The following ATP9B variants were observed in gnomAD, a reference collection of about 807,000 sequenced individuals.
ATP9B encodes ATPase phospholipid transporting 9B.
ATP9B carries 110 observed loss-of-function variants against 146.1 expected under a neutral mutation model. The ratio of observed to expected loss-of-function variants is 0.75; its 90% CI spans 0.65 to 0.88. The LOEUF is 0.88. Ranked by LOEUF, ATP9B falls within the 40% of genes least tolerant of loss-of-function variation. The pLI, the probability that ATP9B is intolerant of heterozygous loss-of-function variation, is 0.00. For synonymous variants in ATP9B, 604 were observed against 569.7 expected (o/e 1.06, Z -0.86); for missense variants, 1,499 against 1,496.4 (o/e 1.00, Z -0.03).
At chr18:79,260,228 T>TAGTCACCTTCACA (rs904257561) in intron 12 of ATP9B, among the ~76,000 whole-genome samples, 1 of 152,058 alleles carries the variant, frequency 6.6e-6, no homozygotes, top group Admixed American at 6.5e-5. Context: ...GAAGGGGAAG[T>TAGTCACCTTCACA]AGTCACCTTC....
intron 11 of ATP9B, among the ~76,000 whole-genome samples, chr18:79,229,976 A>G (rs2095774753): frequency 6.7e-6 from 1 of 149,902 alleles, no homozygotes. Context: ...AGTTTAGTGC[A>G]TTAAAAAAAA....
At chr18:79,224,956 C>T (rs2095714722) in intron 11 of ATP9B, among the ~76,000 whole-genome samples, 1 of 152,236 alleles carries the variant, frequency 6.6e-6, no homozygotes, top group Admixed American at 6.5e-5. Flanking sequence ...CTCCCAGGAA[C>T]CACGACCACA....
intron 1 of ATP9B, among the ~76,000 whole-genome samples, chr18:79,084,024 A>G (rs1393901942): frequency 1.3e-5 from 2 of 151,740 alleles, no homozygotes; most frequent in Admixed American, 6.6e-5. Flanking sequence ...ATGCCCGGCT[A>G]ATTTTTTTTG....
chr18:79,105,656 A>G (rs1182076783), intron 2 of ATP9B, among the ~76,000 whole-genome samples: 1 of 152,154 alleles, frequency 6.6e-6, no homozygotes, highest in East Asian at 1.9e-4. Context: ...TAGTTCTCTG[A>G]TCTGGGTTAA....
intron 13 of ATP9B, among the ~76,000 whole-genome samples, chr18:79,290,741 CT>C (rs2096495075): frequency 6.6e-6 from 1 of 152,248 alleles, no homozygotes; most frequent in Non-Finnish European, 1.5e-5. Context: ...GGAGCTGTTC[CT>C]ATTCGGCTGT....
In ATP9B at chr18:79,140,221, G is replaced by C. The variant is rs140147584; in HGVS notation, c.668-3581G>C. Among the ~76,000 whole-genome samples, 18 of 152,278 alleles carry C rather than the reference G, an allele frequency of 1.2e-4. No individual in the cohort carries two copies. In the East Asian group the frequency reaches 3.3e-3, roughly 28 times the overall value. On this transcript the variant is annotated intron_variant, in intron 5 of 29. Coordinates refer to ENST00000426216, the MANE Select transcript of ATP9B (RefSeq NM_198531.5). ...GGTAGAGCAGGGGCCGACAGAGATG[G>C]AGGAGCCAGCTGGTAAAGCCTGGCA...
At chr18:79,215,605 A>C (rs754194102) in intron 11 of ATP9B, among the ~76,000 whole-genome samples, 1 of 152,246 alleles carries the variant, frequency 6.6e-6, no homozygotes, top group Non-Finnish European at 1.5e-5. Context: ...TTATTAAAGT[A>C]ATCATATATA....
intron 12 of ATP9B, among the ~76,000 whole-genome samples, chr18:79,264,054 C>T (rs1202392935): frequency 6.6e-6 from 1 of 151,978 alleles, no homozygotes; most frequent in Non-Finnish European, 1.5e-5. Flanking sequence ...CACTGCACTC[C>T]AGCCCAGGCG....
chr18:79,210,181 C>A (rs1037635795), intron 10 of ATP9B, among the ~76,000 whole-genome samples: 2 of 152,192 alleles, frequency 1.3e-5, no homozygotes, highest in African/African-American at 4.8e-5. Flanking sequence ...AAAACTTGCT[C>A]TCTAAAATGC....
chr18:79,069,522 C>A lies in ATP9B; in HGVS notation c.112C>A (p.His38Asn). 1 of 1,398,654 alleles carries A rather than the reference C, an allele frequency of 7.1e-7. No individual in the cohort carries two copies. Among genetic ancestry groups the A allele is most frequent in the South Asian group, 1.5e-5 (1 of 64,616 alleles). 86.6% of individuals were successfully genotyped at this position (1,398,654 alleles called of 1,614,324 possible). Residue 38 changes from histidine to asparagine, a missense_variant, in exon 1 of 30, where the codon CAC becomes AAC. By Grantham distance (68) the His-to-Asn change is moderately conservative. Transcript: ENST00000426216. ...AAGPRPGADR[H>N]SRYQLEDESA... ...GGGGCCCAGGCCGGGAGCCGACCGG[C>A]ACAGCAGGTAACCGAGGCGGCACTG... is the stretch of plus-strand genomic sequence containing the variant.
intron 12 of ATP9B, among the ~76,000 whole-genome samples, chr18:79,258,839 G>T (rs191194230): frequency 6.6e-6 from 1 of 152,322 alleles, no homozygotes; most frequent in East Asian, 1.9e-4. Context: ...TGCACGCAGG[G>T]ATGAGAACCG....
intron 12 of ATP9B, among the ~76,000 whole-genome samples, chr18:79,265,348 G>A (rs993532939): frequency 6.6e-6 from 1 of 152,104 alleles, no homozygotes; most frequent in Non-Finnish European, 1.5e-5. Flanking sequence ...TTTATTCCTT[G>A]TTGGTTGGGC....
At chr18:79,186,088 G>C (rs998704164) in intron 8 of ATP9B, among the ~76,000 whole-genome samples, 7 of 152,112 alleles carry the variant, frequency 4.6e-5, no homozygotes, top group African/African-American at 7.2e-5. Context: ...TCTGGCTTTT[G>C]TGATCAAACA....
chr18:79,362,964 TG>T (rs2096999076), intron 26 of ATP9B: 1 of 152,244 alleles, frequency 6.6e-6, no homozygotes. Flanking sequence ...AATGTATATT[TG>T]TATACTTATA....
intron 5 of ATP9B, among the ~76,000 whole-genome samples, chr18:79,137,612 A>G (rs574870574): frequency 6.6e-6 from 1 of 152,286 alleles, no homozygotes; most frequent in East Asian, 1.9e-4. Context: ...ATCCCCCGTC[A>G]CTGCCTTCCT....
At chr18:79,327,748 G>GTGGTTAGCGTGCTCTCCA (rs1568700115) in intron 15 of ATP9B, among the ~76,000 whole-genome samples, 24 of 133,674 alleles carry the variant, frequency 1.8e-4, no homozygotes, top group African/African-American at 7.5e-4. Flanking sequence ...CGTGCTCTCC[G>GTGGTTAGCGTGCTCTCCA]TGGTTAGCGT....
Position 79,203,605 on chromosome 18 carries a change from C to CTT in ATP9B, c.955-3332_955-3331insTT, listed in dbSNP as rs1386528398. On this transcript the variant is annotated intron_variant, in intron 9 of 29. Coordinates refer to ENST00000426216, the MANE Select transcript of ATP9B (RefSeq NM_198531.5). ...GTGCTAGGTGCTAGGAAGGTAATACCCATAAAATATGGGATTAGAAACATG... is the reference window on the plus strand; with the variant it reads ...GTGCTAGGTGCTAGGAAGGTAATACCTTCATAAAATATGGGATTAGAAACATG... Among the ~76,000 whole-genome samples the CTT allele has an allele frequency of 6.6e-3, 997 of 152,116 alleles. 4 individuals are homozygous for CTT. Among genetic ancestry groups the CTT allele is most frequent in the African/African-American group, 0.022 (932 of 41,480 alleles).
chr18:79,203,879 A>G (rs1434393445), intron 9 of ATP9B, among the ~76,000 whole-genome samples: 2 of 152,162 alleles, frequency 1.3e-5, no homozygotes, highest in Admixed American at 6.5e-5. Flanking sequence ...TAGAGGATAT[A>G]TATCTTTTTT....
Position 79,096,613 on chromosome 18 carries a change from G to C in ATP9B, c.257G>C (p.Trp86Ser). Residue 86 changes from tryptophan to serine, a missense_variant, in exon 2 of 30, where the codon TGG (tryptophan) becomes TCG (serine). By Grantham distance (177) the Trp-to-Ser change is radical. Coordinates refer to ENST00000426216, the MANE Select transcript of ATP9B (RefSeq NM_198531.5). ...RIMQRKRGLE[W>S]FVCDGWKFLC... ...ATGCAAAGGAAAAGAGGACTGGAGTGGTTTGTCTGTGATGGCTGGAAGTTC... is the reference window on the plus strand; with the variant it reads ...ATGCAAAGGAAAAGAGGACTGGAGTCGTTTGTCTGTGATGGCTGGAAGTTC... 1.2e-6 allele frequency: 2 copies of C among 1,613,730 alleles called. No individual in the cohort carries two copies. The highest frequency in any genetic ancestry group is 8.5e-7 in the Non-Finnish European group (1 of 1,179,818).
Sources: gnomAD v4.1 joint callset for allele counts (sites outside exome capture counted in the v4.1 genomes callset) on GRCh38, gnomAD v4.1.1 for gene constraint, MANE v1.5 for transcripts, NCBI Gene and HGNC (gene_info 2026-07-23, HGNC 2026-07-21) for gene names.